The following CACNA2D4 variants were observed in gnomAD, a reference collection of about 807,000 sequenced individuals.
CACNA2D4 encodes calcium voltage-gated channel auxiliary subunit alpha2delta 4.
In CACNA2D4, 157 loss-of-function variants were observed where a neutral mutation model predicts 163.8. That is an observed-to-expected ratio of 0.96 (90% CI 0.84 to 1.09). The LOEUF (loss-of-function observed/expected upper bound fraction) is 1.09, where lower values mean the gene tolerates loss of function less well. Among genes scored for constraint, CACNA2D4 ranks in the 50% least tolerant of loss-of-function variants. The probability of loss-of-function intolerance (pLI) is 0.00; values close to 1 mark genes in which losing one functional copy is unlikely to be tolerated. For synonymous variants in CACNA2D4, 598 were observed against 586.9 expected (o/e 1.02, Z -0.27); for missense variants, 1,410 against 1,479.9 (o/e 0.95, Z 0.78).
intron 29 of CACNA2D4, among the ~76,000 whole-genome samples, chr12:1,803,682 C>G (rs1306925620): frequency 6.6e-6 from 1 of 152,220 alleles, no homozygotes; most frequent in African/African-American, 2.4e-5. Flanking sequence ...TCTGTCTACA[C>G]TCTGCTAGTT....
chr12:1,801,042 C>T lies in CACNA2D4; in HGVS notation c.2868+1G>A, dbSNP rs546379813. The T allele has an allele frequency of 1.9e-5, 31 of 1,612,742 alleles. No individual in the cohort carries two copies. Among genetic ancestry groups the T allele is most frequent in the Middle Eastern group, 1.9e-4 (1 of 5,234 alleles). ...AGAGGGAAGGGCTGGGTGACACTCA[C>T]GCTGACCAGGGGCTGGGCTGCACTG... is the stretch of plus-strand genomic sequence containing the variant. On this transcript the variant is annotated splice_donor_variant, in intron 31 of 37. Transcript: ENST00000382722. LOFTEE classifies it high-confidence loss of function.
intron 34 of CACNA2D4, among the ~76,000 whole-genome samples, chr12:1,797,997 G>A (rs1368948121): frequency 6.6e-6 from 1 of 152,104 alleles, no homozygotes; most frequent in African/African-American, 2.4e-5. Flanking sequence ...CTGCTCTCCC[G>A]CACAGCCAGG....
chr12:1,800,755 G>A, intron 31 of CACNA2D4: 1 of 593,070 alleles, frequency 1.7e-6, no homozygotes, highest in South Asian at 2.1e-5. Context: ...TCAAGCGGCA[G>A]TGTCAGGGGC....
chr12:1,848,460 A>T (rs1865202326), intron 23 of CACNA2D4, among the ~76,000 whole-genome samples: 1 of 152,168 alleles, frequency 6.6e-6, no homozygotes. Context: ...TGTTCTTCAC[A>T]AGAGGCACAC....
intron 3 of CACNA2D4, among the ~76,000 whole-genome samples, chr12:1,910,804 A>C (rs1026998228): frequency 1.3e-5 from 2 of 152,130 alleles, no homozygotes; most frequent in African/African-American, 4.8e-5. Context: ...CAACATGCAA[A>C]TCCATAGAGA....
Position 1,878,899 on chromosome 12 carries a change from G to A in CACNA2D4, c.1644+57C>T. On this transcript the variant is annotated intron_variant, in intron 15 of 37. Coordinates refer to ENST00000382722, the MANE Select transcript of CACNA2D4 (RefSeq NM_172364.5). The surrounding 1 kb of genome is among the most constrained non-coding windows in gnomAD (Gnocchi z 4.6). ...CTGGAGAGAGGCTCCCATCACGGGG[G>A]AGGGAGTTTGCTCCTGGGGAACCTG... 6.7e-7 allele frequency: 1 copy of A among 1,494,776 alleles called. No individual in the cohort carries two copies. Among genetic ancestry groups the A allele is most frequent in the Non-Finnish European group, 9.3e-7 (1 of 1,079,070 alleles). The allele number at this position is 1,494,776 out of a possible 1,614,324, so 92.6% of individuals were successfully genotyped here. A position where few individuals can be genotyped will look rare whatever the true frequency, so the allele number is the denominator to read the frequency against.
intron 5 of CACNA2D4, 94 bp downstream of exon 5, chr12:1,907,777 GGTGA>G: frequency 2.8e-5 from 4 of 144,886 alleles, no homozygotes; most frequent in Non-Finnish European, 5.1e-5. Flanking sequence ...GGGCCAGCCT[GGTGA>G]GTATGCCTGG....
chr12:1,824,954 C>G (rs961663311), intron 26 of CACNA2D4, among the ~76,000 whole-genome samples: 1 of 152,192 alleles, frequency 6.6e-6, no homozygotes, highest in African/African-American at 2.4e-5. Flanking sequence ...CCCAAGGGAC[C>G]CAGGGAGGCA....
intron 6 of CACNA2D4, among the ~76,000 whole-genome samples, chr12:1,897,710 A>C (rs531892640): frequency 6.6e-6 from 1 of 152,240 alleles, no homozygotes; most frequent in Non-Finnish European, 1.5e-5. Context: ...AGTATATATC[A>C]GGTAAATACT....
intron 22 of CACNA2D4, among the ~76,000 whole-genome samples, chr12:1,854,930 C>A (rs1865366096): frequency 6.6e-6 from 1 of 152,152 alleles, no homozygotes; most frequent in Non-Finnish European, 1.5e-5. Flanking sequence ...AGTACATTCA[C>A]AATGTTGTAC....
intron 20 of CACNA2D4, 62 bp downstream of exon 20, chr12:1,858,515 G>C (rs1347309992): frequency 6.7e-7 from 1 of 1,484,376 alleles, no homozygotes; most frequent in East Asian, 2.3e-5. Flanking sequence ...GCCCTGCCCA[G>C]TGTCCCATGA....
intron 26 of CACNA2D4, among the ~76,000 whole-genome samples, chr12:1,817,406 G>A (rs1007423342): frequency 6.6e-6 from 1 of 152,066 alleles, no homozygotes; most frequent in Non-Finnish European, 1.5e-5. Flanking sequence ...TGAAGGACAC[G>A]GAACAGGTGA....
chr12:1,844,567 G>A lies in CACNA2D4; in HGVS notation c.2343-38C>T, dbSNP rs1197358387. The A allele has an allele frequency of 6.3e-7, 1 of 1,596,090 alleles. No individual in the cohort carries two copies. The highest frequency in any genetic ancestry group is 8.6e-7 in the Non-Finnish European group (1 of 1,167,836). On this transcript the variant is annotated intron_variant, in intron 24 of 37. Transcript: ENST00000382722. The surrounding 1 kb of genome is among the most constrained non-coding windows in gnomAD (Gnocchi z 4.2). Reference sequence around the variant, plus strand: ...AGATGTGGTACCTCTCCCCAGATCTGTGAACACAGTCATCACTCTTTCCTT... The same window carrying A: ...AGATGTGGTACCTCTCCCCAGATCTATGAACACAGTCATCACTCTTTCCTT...
chr12:1,827,833 C>T (rs189044741), intron 26 of CACNA2D4: 31 of 339,378 alleles, frequency 9.1e-5, no homozygotes, highest in African/African-American at 2.7e-4. Context: ...CATGGGTGCA[C>T]CCCCAGCTTT....
chr12:1,800,328 C>T, intron 32 of CACNA2D4, 58 bp downstream of exon 32: 3 of 1,575,232 alleles, frequency 1.9e-6, no homozygotes, highest in Non-Finnish European at 2.6e-6. Context: ...TCAAGGACAC[C>T]CTCCTAAGCC....
chr12:1,832,846 T>A (rs974702749), intron 26 of CACNA2D4, among the ~76,000 whole-genome samples: 1 of 152,244 alleles, frequency 6.6e-6, no homozygotes, highest in Non-Finnish European at 1.5e-5. Context: ...AGTAATTAAA[T>A]AAATTAAATA....
Position 1,886,200 on chromosome 12 carries a change from C to G in CACNA2D4, c.993+23G>C, listed in dbSNP as rs749439623. On this transcript the variant is annotated intron_variant, in intron 8 of 37. Transcript: ENST00000382722. ...ATTTCTAGAGCAAGTGAGAGCTATT[C>G]TAGAACAGGAAGGCACATTTACCGC... The G allele has an allele frequency of 3.2e-5, 52 of 1,610,326 alleles. 1 individual carries two copies. In the South Asian group the frequency reaches 5.5e-4, roughly 17 times the overall value.
chr12:1,797,452 C>G lies in CACNA2D4; in HGVS notation c.3079G>C (p.Ala1027Pro). 6.3e-7 allele frequency: 1 copy of G among 1,576,518 alleles called. No individual in the cohort carries two copies. ...GGCCCGCACTCCACGATCCCGTTGG[C>G]CTCCCGGATGGCCGGCTGGTACACG... ...VFVYQPAIRE[A>P]NGIVECGPCQ... Residue 1027 changes from alanine (A) to proline (P), a missense_variant, in exon 35 of 38, where the codon GCC becomes CCC. Transcript: ENST00000382722.
At chr12:1,800,534 T>A in intron 31 of CACNA2D4, 96 bp from the exon 32 acceptor site, 1 of 1,235,242 alleles carries the variant, frequency 8.1e-7, no homozygotes, top group African/African-American at 1.5e-5. Context: ...GACCAGAGAG[T>A]GGGCTGCCCT....
Sources: gnomAD v4.1 joint callset for allele counts (sites outside exome capture counted in the v4.1 genomes callset) on GRCh38, gnomAD v4.1.1 for gene constraint, Gnocchi (gnomAD v3.1) non-coding constraint, MANE v1.5 for transcripts, NCBI Gene and HGNC (gene_info 2026-07-23, HGNC 2026-07-21) for gene names.